The following TMPRSS13 variants were observed in gnomAD, a reference collection of about 807,000 sequenced individuals.
TMPRSS13 encodes transmembrane serine protease 13, also known as transmembrane protease serine 13.
Under a neutral mutation model 68.4 loss-of-function variants are expected in TMPRSS13, and 50 were observed. The observed-to-expected ratio is 0.73, with a 90% CI of 0.58 to 0.93. The LOEUF (loss-of-function observed/expected upper bound fraction) is 0.93, where lower values mean the gene tolerates loss of function less well. Among genes scored for constraint, TMPRSS13 ranks in the 40% least tolerant of loss-of-function variants. TMPRSS13 has a pLI of 0.00. For synonymous variants in TMPRSS13, 267 were observed against 285.8 expected, an observed-to-expected ratio of 0.93 and a Z score of 0.66; for missense variants, 615 against 729.2, an observed-to-expected ratio of 0.84 and a Z score of 1.80.
intron 1 of TMPRSS13, among the ~76,000 whole-genome samples, chr11:117,928,217 T>C (rs575059215): frequency 6.6e-6 from 1 of 152,310 alleles, no homozygotes; most frequent in Non-Finnish European, 1.5e-5. Flanking sequence ...TAAGAGGCTC[T>C]GATAACCCCC....
At position 117,929,143 on chromosome 11, in the gene TMPRSS13, C is replaced by T. The variant is rs1438279715; in HGVS notation, c.21+144G>A. On this transcript the variant is annotated intron_variant, in intron 1 of 12. Coordinates refer to ENST00000524993, the MANE Select transcript of TMPRSS13 (RefSeq NM_001077263.3). ...TAAAAGGAGACCAAGAGATCTTGAT[C>T]GTAAGTAGCTTCAAACTAGAAGAGG... is the stretch of plus-strand genomic sequence containing the variant. The T allele has an allele frequency of 1.7e-5, 10 of 600,680 alleles. No individual in the cohort carries two copies. The East Asian group carries it at 2.0e-4, about 12-fold the overall frequency. The allele number at this position is 600,680 out of a possible 1,614,324, so 37.2% of individuals were successfully genotyped here. A position where few individuals can be genotyped will look rare whatever the true frequency, so the allele number is the denominator to read the frequency against.
intron 1 of TMPRSS13, among the ~76,000 whole-genome samples, chr11:117,925,581 G>A (rs1241774170): frequency 1.3e-5 from 2 of 151,926 alleles, no homozygotes; most frequent in African/African-American, 4.9e-5. Context: ...CATAATGGGG[G>A]CCCCTCTAAA....
intron 1 of TMPRSS13, among the ~76,000 whole-genome samples, chr11:117,920,941 C>G (rs1405085882): frequency 6.6e-6 from 1 of 152,188 alleles, no homozygotes; most frequent in Non-Finnish European, 1.5e-5. Flanking sequence ...AATGGGCAGA[C>G]CTTACCTCCT....
chr11:117,908,508 A>C, intron 9 of TMPRSS13, 104 bp downstream of exon 9: 1 of 1,311,504 alleles, frequency 7.6e-7, no homozygotes, highest in Non-Finnish European at 1.1e-6. Context: ...GCCCTGCAGA[A>C]GCTTTGGGGC....
Position 117,922,388 on chromosome 11 carries a change from C to T in TMPRSS13, c.22-3550G>A, listed in dbSNP as rs2057657674. On this transcript the variant is annotated intron_variant, in intron 1 of 12. Coordinates refer to ENST00000524993, the MANE Select transcript of TMPRSS13 (RefSeq NM_001077263.3). The surrounding 1 kb of genome is among the most constrained non-coding windows in gnomAD (Gnocchi z 4.2). Reference sequence around the variant, plus strand: ...TACCTGGGACTACAGGCACGCGCCACTGTGCCCAGCTAATTTTTGTATTTT... The same window carrying T: ...TACCTGGGACTACAGGCACGCGCCATTGTGCCCAGCTAATTTTTGTATTTT... 6.6e-6 allele frequency among the ~76,000 whole-genome samples: 1 copy of T among 152,210 alleles called. No individual in the cohort carries two copies.
chr11:117,903,408 G>A lies in TMPRSS13; in HGVS notation c.1677+247C>T, dbSNP rs1174832638. ...CTGGGAGAACATCTGCCCAGCAACT[G>A]CCTGCCTGGCCTGTAGGTCCACCCT... On this transcript the variant is annotated intron_variant, in intron 12 of 12. Coordinates refer to ENST00000524993, the MANE Select transcript of TMPRSS13 (RefSeq NM_001077263.3). 2.6e-6 allele frequency: 4 copies of A among 1,535,770 alleles called. No individual in the cohort carries two copies. In the Admixed American group the frequency reaches 7.8e-5, roughly 30 times the overall value.
intron 1 of TMPRSS13, among the ~76,000 whole-genome samples, chr11:117,925,757 C>A (rs751026923): frequency 6.6e-6 from 1 of 152,238 alleles, no homozygotes; most frequent in Non-Finnish European, 1.5e-5. Flanking sequence ...TGTTGCTATA[C>A]CAAGAGGAAT....
At chr11:117,920,414 C>T (rs554300946) in intron 1 of TMPRSS13, among the ~76,000 whole-genome samples, 104 of 152,280 alleles carry the variant, frequency 6.8e-4, no homozygotes, top group Non-Finnish European at 1.3e-3. Context: ...TCTTGGCTCA[C>T]TGAAACCTCC....
At chr11:117,903,235 C>A (rs2057425586) in intron 12 of TMPRSS13, 4 of 1,324,868 alleles carry the variant, frequency 3.0e-6, no homozygotes, top group Admixed American at 3.2e-5. Flanking sequence ...AAAAGAAAAT[C>A]AAAAAGACTA....
Position 117,914,404 on chromosome 11 carries a change from C to T in TMPRSS13, c.667G>A (p.Glu223Lys), listed in dbSNP as rs772733754. The part of the protein sequence containing the change: ...GVVDCKLKSD[E>K]LGCVRFDWDK... ...CCAGCCTCCTTACCGCAGCCCAGCT[C>T]GTCACTCTTCAGCTTGCAGTCCACC... The change falls in exon 4 of 13, where the codon GAG becomes AAG. Residue 223 changes from glutamate to lysine, a missense_variant. Coordinates refer to ENST00000524993, the MANE Select transcript of TMPRSS13 (RefSeq NM_001077263.3). This position sits in a 1 kb window ranked among gnomAD's most constrained non-coding sequence, Gnocchi z 4.2. The T allele has an allele frequency of 6.2e-6, 10 of 1,613,730 alleles. No individual in the cohort carries two copies. The highest frequency in any genetic ancestry group is 3.3e-5 in the Admixed American group (2 of 59,984).
At chr11:117,909,776 T>C (rs1304852167) in intron 8 of TMPRSS13, 30 bp downstream of exon 8, 2 of 1,595,030 alleles carry the variant, frequency 1.3e-6, no homozygotes, top group African/African-American at 2.7e-5. Context: ...CCCTGGGCAG[T>C]GTCAAATCAC....
Position 117,908,647 on chromosome 11 carries a change from G to T in TMPRSS13, c.1247C>A (p.Ala416Asp). The change falls in exon 9 of 13, where the codon GCC (alanine) becomes GAC (aspartate). Residue 416 changes from alanine (A) to aspartate (D), a missense_variant. Ala to Asp is a moderately radical substitution (Grantham distance 126). Coordinates refer to ENST00000524993, the MANE Select transcript of TMPRSS13 (RefSeq NM_001077263.3). The stretch of plus-strand genomic sequence containing the variant: ...CAGGGGCTTGGACAGCCGCATGAGG[G>T]CGATGTCATAGTCGTCCTCCTCATC... Reference protein sequence around the residue: ...YTDEEDDYDIALMRLSKPLTL... With the variant: ...YTDEEDDYDIDLMRLSKPLTL... The T allele has an allele frequency of 6.3e-7, 1 of 1,576,578 alleles. No individual in the cohort carries two copies. The highest frequency in any genetic ancestry group is 8.6e-7 in the Non-Finnish European group (1 of 1,161,626).
At position 117,904,010 on chromosome 11, in the gene TMPRSS13, G is replaced by A; in HGVS notation, c.1473C>T (p.Thr491=). 1 of 1,613,524 alleles carries A rather than the reference G, an allele frequency of 6.2e-7. No homozygotes were observed. ...NDYLVYDSYL[T]PRMMCAGDLR... is the part of the protein sequence containing the mutation. ...GGTCCCCAGCACACATCATCCTTGG[G>A]GTAAGGTAACTGTCATAGACCAAGT... is the stretch of plus-strand genomic sequence containing the variant. The change falls in exon 11 of 13, where the codon ACC becomes ACT. Residue 491 remains threonine (T), a synonymous_variant. Transcript: ENST00000524993.
At chr11:117,928,708 A>G (rs1055556960) in intron 1 of TMPRSS13, among the ~76,000 whole-genome samples, 3 of 152,216 alleles carry the variant, frequency 2.0e-5, no homozygotes, top group Non-Finnish European at 4.4e-5. Context: ...GAGTGGTAGC[A>G]GGACTTGTGG....
chr11:117,917,297 G>A lies in TMPRSS13; in HGVS notation c.452-23C>T, dbSNP rs774792662. The A allele has an allele frequency of 2.0e-5, 31 of 1,589,278 alleles. No homozygotes were observed. The East Asian group carries it at 7.0e-4, about 36-fold the overall frequency. The stretch of plus-strand genomic sequence containing the variant: ...TACCTAGGAGCAGGGCGGCAGCAGG[G>A]GAATATGAGGCTGGAGAGGAGTCCG... On this transcript the variant is annotated intron_variant, in intron 2 of 12. Coordinates refer to ENST00000524993, the MANE Select transcript of TMPRSS13 (RefSeq NM_001077263.3).
intron 9 of TMPRSS13, among the ~76,000 whole-genome samples, chr11:117,906,103 C>T (rs1455972755): frequency 2.0e-5 from 3 of 152,206 alleles, no homozygotes; most frequent in Admixed American, 6.5e-5. Context: ...CATGTCTTTC[C>T]ATTAGAACAA....
chr11:117,914,351 A>G lies in TMPRSS13; in HGVS notation c.679+41T>C. The G allele has an allele frequency of 1.2e-6, 2 of 1,609,028 alleles. No homozygotes were observed. The highest frequency in any genetic ancestry group is 1.7e-6 in the Non-Finnish European group (2 of 1,179,218). ...TACAAACAGGCACACAAACACATGC[A>G]CATGCACACGCACGCGCTCCCCCGC... On this transcript the variant is annotated intron_variant, in intron 4 of 12. Transcript: ENST00000524993. The surrounding 1 kb of genome is among the most constrained non-coding windows in gnomAD (Gnocchi z 4.2).
At chr11:117,926,767 G>T (rs1380873420) in intron 1 of TMPRSS13, among the ~76,000 whole-genome samples, 1 of 152,166 alleles carries the variant, frequency 6.6e-6, no homozygotes, top group Non-Finnish European at 1.5e-5. Context: ...CTTTGGTGGG[G>T]AAGCTGAGGC....
chr11:117,913,803 CT>C lies in TMPRSS13; in HGVS notation c.782del (p.Lys261ArgfsTer29). On this transcript the variant is annotated frameshift_variant, in exon 5 of 13. Coordinates refer to ENST00000524993, the MANE Select transcript of TMPRSS13 (RefSeq NM_001077263.3). LOFTEE classifies it high-confidence loss of function. ...SSNWNDSYSEKTCQQLGFESA... is the reference protein window; with the variant it reads ...SSNWNDSYSEXTCQQLGFESA... ...TCTCGAAACCCAGCTGCTGGCAGGT[CT>C]TCTCTGAGTAGGAGTCATTCCAGTT... The C allele has an allele frequency of 6.2e-7, 1 of 1,614,126 alleles. No homozygotes were observed. Among genetic ancestry groups the C allele is most frequent in the Non-Finnish European group, 8.5e-7 (1 of 1,179,994 alleles).
Sources: allele counts gnomAD v4.1 joint callset (sites outside exome capture counted in the v4.1 genomes callset), GRCh38; gene constraint gnomAD v4.1.1; non-coding constraint Gnocchi (gnomAD v3.1); transcripts MANE v1.5; gene names NCBI Gene and HGNC (gene_info 2026-07-23, HGNC 2026-07-21).